The following SYNJ1 variants were observed in gnomAD, a reference collection of about 807,000 sequenced individuals.
SYNJ1 encodes synaptojanin 1.
A neutral mutation model predicts 168.2 loss-of-function variants in SYNJ1; 78 were observed. That is an observed-to-expected ratio of 0.46 (90% CI 0.39 to 0.56). The LOEUF (loss-of-function observed/expected upper bound fraction) is 0.56. Among genes scored for constraint, SYNJ1 ranks in the 20% least tolerant of loss-of-function variants. SYNJ1 has a pLI of 0.00. For synonymous variants in SYNJ1, 539 were observed against 548.6 expected, an observed-to-expected ratio of 0.98 and a Z score of 0.24; for missense variants, 1,303 against 1,597.6, an observed-to-expected ratio of 0.82 and a Z score of 3.14.
intron 2 of SYNJ1, among the ~76,000 whole-genome samples, chr21:32,706,087 T>A (rs189029732): frequency 6.6e-6 from 1 of 152,264 alleles, no homozygotes; most frequent in Non-Finnish European, 1.5e-5. Flanking sequence ...ATTGCTGCAA[T>A]ACTCCTGCCA....
At chr21:32,656,950 G>A (rs1411153653) in intron 20 of SYNJ1, 48 bp from the exon 21 acceptor site, 12 of 1,610,362 alleles carry the variant, frequency 7.5e-6, no homozygotes, top group Admixed American at 1.7e-5. Flanking sequence ...TTTTAAAAGG[G>A]TGTATTTCAA....
intron 23 of SYNJ1, 127 bp downstream of exon 23, chr21:32,650,057 A>T: frequency 1.7e-6 from 2 of 1,177,656 alleles, no homozygotes; most frequent in Non-Finnish European, 2.3e-6. Context: ...GCCAAAATAC[A>T]TTCTAATTAA....
upstream of SYNJ1, chr21:32,728,292 C>T (rs998161573): frequency 4.3e-6 from 2 of 460,608 alleles, no homozygotes; most frequent in African/African-American, 2.1e-5. Context: ...AGCGTGAGCG[C>T]CGGGGAGGGA....
intron 2 of SYNJ1, among the ~76,000 whole-genome samples, chr21:32,706,639 C>T (rs560525822): frequency 6.6e-6 from 1 of 152,094 alleles, no homozygotes; most frequent in East Asian, 1.9e-4. Flanking sequence ...TATACTTATT[C>T]CCAGATAAAG....
chr21:32,649,598 G>C (rs911097396), intron 23 of SYNJ1, among the ~76,000 whole-genome samples: 4 of 151,674 alleles, frequency 2.6e-5, no homozygotes, highest in African/African-American at 9.7e-5. Context: ...TTAATTATTG[G>C]GACTAAACCA....
intron 15 of SYNJ1, among the ~76,000 whole-genome samples, chr21:32,667,938 A>G (rs2041008762): frequency 6.6e-6 from 1 of 152,088 alleles, no homozygotes; most frequent in African/African-American, 2.4e-5. Flanking sequence ...GAGGTACTTA[A>G]GAGTGGTACT....
chr21:32,643,051 T>TA (rs1003165602), intron 27 of SYNJ1, among the ~76,000 whole-genome samples: 24 of 152,212 alleles, frequency 1.6e-4, no homozygotes, highest in Non-Finnish European at 2.6e-4. Flanking sequence ...CATTAATTTT[T>TA]AAAACTTCAG....
intron 30 of SYNJ1, 38 bp downstream of exon 30, chr21:32,639,633 A>G (rs1215235299): frequency 6.4e-7 from 1 of 1,567,340 alleles, no homozygotes; most frequent in Admixed American, 1.7e-5. Context: ...TCTGGGCTCA[A>G]GTGATCCTCC....
intron 2 of SYNJ1, among the ~76,000 whole-genome samples, chr21:32,705,907 A>G (rs2042590167): frequency 6.6e-6 from 1 of 152,124 alleles, no homozygotes; most frequent in African/African-American, 2.4e-5. Flanking sequence ...AGGTTGATTG[A>G]GCCTGGGAAG....
At chr21:32,654,405 T>C (rs1381619443) in intron 21 of SYNJ1, among the ~76,000 whole-genome samples, 2 of 152,178 alleles carry the variant, frequency 1.3e-5, no homozygotes. Context: ...CAGGATGCTA[T>C]CCTTTGAAAT....
chr21:32,699,864 T>C lies in SYNJ1; in HGVS notation c.453A>G (p.Glu151=), dbSNP rs376163066. 6.2e-6 allele frequency: 10 copies of C among 1,613,544 alleles called. No homozygotes were observed. In the Middle Eastern group the frequency reaches 1.2e-3, roughly 186 times the overall value. ...AGAAAAATCTATTATCAGTTGTCTG[T>C]TCTTGCATGCTACGATGCGCATTAA... is the stretch of plus-strand genomic sequence containing the variant. ...LSLNAHRSMQ[E]QTTDNRFFWN... Residue 151 remains glutamate (E), a synonymous_variant, in exon 4 of 33, where the codon GAA becomes GAG. Transcript: ENST00000674351.
At chr21:32,695,881 CT>C in intron 4 of SYNJ1, among the ~76,000 whole-genome samples, 1 of 149,314 alleles carries the variant, frequency 6.7e-6, no homozygotes, top group South Asian at 2.1e-4. Context: ...GAGTCTCGCT[CT>C]GTCGCCCAGG....
At chr21:32,685,713 C>A in intron 9 of SYNJ1, 35 bp downstream of exon 9, 1 of 1,448,272 alleles carries the variant, frequency 6.9e-7, no homozygotes, top group South Asian at 1.6e-5. Context: ...AATTAATGTT[C>A]CAATTCAAAG....
intron 2 of SYNJ1, among the ~76,000 whole-genome samples, chr21:32,715,302 T>C (rs2042981622): frequency 1.3e-5 from 2 of 152,028 alleles, no homozygotes; most frequent in Non-Finnish European, 2.9e-5. Flanking sequence ...GTGAAACCTG[T>C]CTCTAATAAA....
At chr21:32,668,017 G>A (rs1184316712) in intron 15 of SYNJ1, among the ~76,000 whole-genome samples, 4 of 132,720 alleles carry the variant, frequency 3.0e-5, no homozygotes, top group African/African-American at 1.0e-4. Context: ...ATATGTGTGT[G>A]TGTGTGTGTG....
chr21:32,644,321 T>A (rs1359114479), intron 26 of SYNJ1, among the ~76,000 whole-genome samples: 1 of 152,212 alleles, frequency 6.6e-6, no homozygotes, highest in African/African-American at 2.4e-5. Flanking sequence ...GCAAAGTCAG[T>A]CTGTAGTAAG....
intron 32 of SYNJ1, among the ~76,000 whole-genome samples, chr21:32,634,096 G>A (rs1050206512): frequency 2.0e-5 from 3 of 152,178 alleles, no homozygotes; most frequent in East Asian, 1.9e-4. Context: ...TATAGGAAAG[G>A]AGAATTTTGT....
chr21:32,634,958 T>C, intron 31 of SYNJ1, 74 bp from the exon 32 acceptor site: 1 of 1,498,656 alleles, frequency 6.7e-7, no homozygotes, highest in Non-Finnish European at 9.3e-7. Flanking sequence ...ACCCTAACAA[T>C]TCAGTCAACA....
chr21:32,711,734 AGG>A lies in SYNJ1; in HGVS notation c.125-9689_125-9688del, dbSNP rs113337034. On this transcript the variant is annotated intron_variant, in intron 2 of 32. Transcript: ENST00000674351. Reference sequence around the variant, plus strand: ...AATTTAAGGCAAATAATGAAGTATTAGGATCAAATATAAAAATTCAGATGAAG... The same window carrying A: ...AATTTAAGGCAAATAATGAAGTATTAATCAAATATAAAAATTCAGATGAAG... Among the ~76,000 whole-genome samples, 11 of 152,374 alleles carry A rather than the reference AGG, an allele frequency of 7.2e-5. 1 individual carries two copies. Among genetic ancestry groups the A allele is most frequent in the African/African-American group, 2.6e-4 (11 of 41,586 alleles).
Sources: gnomAD v4.1 joint callset for allele counts (sites outside exome capture counted in the v4.1 genomes callset) on GRCh38, gnomAD v4.1.1 for gene constraint, MANE v1.5 for transcripts, NCBI Gene and HGNC (gene_info 2026-07-23, HGNC 2026-07-21) for gene names.